PDGFD: variants seen among roughly 807,000 people sequenced by gnomAD.
PDGFD encodes platelet-derived growth factor D.
PDGFD carries 30 observed loss-of-function variants against 44.7 expected under a neutral mutation model. The ratio of observed to expected loss-of-function variants is 0.67; its 90% CI spans 0.50 to 0.91. The LOEUF (loss-of-function observed/expected upper bound fraction) is 0.91. Among genes scored for constraint, PDGFD ranks in the 40% least tolerant of loss-of-function variants. PDGFD has a pLI of 0.00. For synonymous variants in PDGFD, 173 were observed against 168.4 expected (o/e 1.03, Z -0.21); for missense variants, 445 against 457.8 (o/e 0.97, Z 0.25).
chr11:103,960,505 G>C (rs1178063335), intron 3 of PDGFD, among the ~76,000 whole-genome samples: 2 of 152,174 alleles, frequency 1.3e-5, no homozygotes, highest in Non-Finnish European at 2.9e-5. Context: ...ATTTTTGAAT[G>C]ACCAAAGTAT....
intron 3 of PDGFD, among the ~76,000 whole-genome samples, chr11:103,977,767 G>C (rs1859205253): frequency 6.6e-6 from 1 of 151,934 alleles, no homozygotes; most frequent in African/African-American, 2.4e-5. Flanking sequence ...GTGGGGATGG[G>C]GGACACTTGC....
At chr11:104,044,653 A>G (rs1860410945) in intron 1 of PDGFD, among the ~76,000 whole-genome samples, 1 of 152,210 alleles carries the variant, frequency 6.6e-6, no homozygotes, top group African/African-American at 2.4e-5. Context: ...TTAATCTGGC[A>G]AAGTTGCCAG....
intron 1 of PDGFD, among the ~76,000 whole-genome samples, chr11:104,092,093 C>T (rs989876436): frequency 3.3e-5 from 5 of 152,134 alleles, no homozygotes; most frequent in Admixed American, 2.0e-4. Context: ...AAAAAGGCCC[C>T]TAAGCCATGG....
At chr11:104,135,003 A>C (rs1412168949) in intron 1 of PDGFD, among the ~76,000 whole-genome samples, 1 of 152,192 alleles carries the variant, frequency 6.6e-6, no homozygotes, top group Admixed American at 6.5e-5. Flanking sequence ...CCCTGAGGCC[A>C]GTGGGGAGGA....
chr11:104,138,594 G>A (rs1862042330), intron 1 of PDGFD, among the ~76,000 whole-genome samples: 1 of 152,178 alleles, frequency 6.6e-6, no homozygotes, highest in African/African-American at 2.4e-5. Flanking sequence ...TGGATGGCCT[G>A]ACTCTGCAGG....
At chr11:104,110,519 AC>A (rs1861538086) in intron 1 of PDGFD, among the ~76,000 whole-genome samples, 1 of 151,314 alleles carries the variant, frequency 6.6e-6, no homozygotes, top group South Asian at 2.1e-4. Flanking sequence ...AAAAAAAACA[AC>A]AAAAAAAAGA....
intron 5 of PDGFD, among the ~76,000 whole-genome samples, chr11:103,931,366 C>A (rs1858396363): frequency 1.3e-5 from 2 of 152,234 alleles, no homozygotes; most frequent in South Asian, 4.2e-4. Context: ...TCTCCACATG[C>A]ACAATAATTT....
chr11:103,935,050 C>T (rs1235036346), intron 5 of PDGFD, among the ~76,000 whole-genome samples: 1 of 152,172 alleles, frequency 6.6e-6, no homozygotes, highest in Admixed American at 6.5e-5. Flanking sequence ...AAGGAACACA[C>T]ATTTCTCTTT....
At chr11:103,914,248 C>A (rs1858077748) in intron 6 of PDGFD, among the ~76,000 whole-genome samples, 1 of 152,170 alleles carries the variant, frequency 6.6e-6, no homozygotes, top group South Asian at 2.1e-4. Context: ...CCTTCTAGGG[C>A]AGGCACAGAA....
chr11:104,037,391 A>C (rs1305519550), intron 1 of PDGFD: 1 of 1,613,960 alleles, frequency 6.2e-7, no homozygotes, highest in Non-Finnish European at 8.5e-7. Context: ...CAAAGGGAAA[A>C]GGCCTTGAGA....
intron 5 of PDGFD, among the ~76,000 whole-genome samples, chr11:103,928,358 C>G (rs1056136245): frequency 6.6e-6 from 1 of 152,210 alleles, no homozygotes; most frequent in East Asian, 1.9e-4. Flanking sequence ...CAGAAGGAAT[C>G]CCATGAATGT....
At chr11:103,952,090 T>C (rs1032771529) in intron 3 of PDGFD, among the ~76,000 whole-genome samples, 1 of 152,188 alleles carries the variant, frequency 6.6e-6, no homozygotes, top group African/African-American at 2.4e-5. Flanking sequence ...TTGGTCCCTA[T>C]GCCATACTAT....
At chr11:103,977,883 G>A (rs1859206976) in intron 3 of PDGFD, among the ~76,000 whole-genome samples, 1 of 152,014 alleles carries the variant, frequency 6.6e-6, no homozygotes, top group Non-Finnish European at 1.5e-5. Context: ...AGATGAGGTT[G>A]TTGTCATACA....
chr11:104,142,303 A>T (rs926144328), intron 1 of PDGFD, among the ~76,000 whole-genome samples: 1 of 152,194 alleles, frequency 6.6e-6, no homozygotes, highest in Non-Finnish European at 1.5e-5. Flanking sequence ...ACATGTATTT[A>T]TAAAAGTAAA....
intron 1 of PDGFD, among the ~76,000 whole-genome samples, chr11:104,063,145 G>A (rs1860738462): frequency 6.6e-6 from 1 of 152,042 alleles, no homozygotes; most frequent in Non-Finnish European, 1.5e-5. Flanking sequence ...TTTGAGGTAA[G>A]GAAGGTAGTT....
At chr11:104,081,072 T>G (rs1861039597) in intron 1 of PDGFD, among the ~76,000 whole-genome samples, 1 of 152,230 alleles carries the variant, frequency 6.6e-6, no homozygotes, top group South Asian at 2.1e-4. Context: ...AGCTAAGCCA[T>G]CCTACATTCC....
At chr11:104,006,264 A>G (rs1859700144) in intron 1 of PDGFD, among the ~76,000 whole-genome samples, 1 of 152,210 alleles carries the variant, frequency 6.6e-6, no homozygotes, top group Admixed American at 6.5e-5. Flanking sequence ...GGAACCAAGC[A>G]CTATACATAT....
Position 103,926,900 on chromosome 11 carries a change from A to C in PDGFD, c.987+12T>G, listed in dbSNP as rs768024880. 1 of 1,609,502 alleles carries C rather than the reference A, an allele frequency of 6.2e-7. No individual in the cohort carries two copies. Among genetic ancestry groups the C allele is most frequent in the Admixed American group, 1.7e-5 (1 of 59,506 alleles). ...ATTAAGCATTGCAACAAGAAATCTA[A>C]GAATGACATACCTCATGATACTTTT... On this transcript the variant is annotated intron_variant, in intron 6 of 6. Transcript: ENST00000393158.
At chr11:104,025,697 C>T (rs1019608816) in intron 1 of PDGFD, among the ~76,000 whole-genome samples, 3 of 152,152 alleles carry the variant, frequency 2.0e-5, no homozygotes, top group Non-Finnish European at 4.4e-5. Flanking sequence ...CCCAAGGGCA[C>T]TGGAAAGCGG....
Sources: allele counts gnomAD v4.1 joint callset (sites outside exome capture counted in the v4.1 genomes callset), GRCh38; gene constraint gnomAD v4.1.1; transcripts MANE v1.5; gene names NCBI Gene and HGNC (gene_info 2026-07-23, HGNC 2026-07-21).